The following MTREX variants were observed in gnomAD, a reference collection of about 807,000 sequenced individuals.
MTREX encodes the protein Mtr4 exosome RNA helicase.
MTREX carries 76 observed loss-of-function variants against 135.4 expected under a neutral mutation model. The ratio of observed to expected loss-of-function variants is 0.56; its 90% CI spans 0.47 to 0.68. MTREX has a LOEUF of 0.68. Among genes scored for constraint, MTREX ranks in the 30% least tolerant of loss-of-function variants. MTREX has a pLI of 0.00. For synonymous variants in MTREX, 404 were observed against 401.6 expected (o/e 1.01, Z -0.07); for missense variants, 920 against 1,262.1 (o/e 0.73, Z 4.11).
At chr5:55,330,483 T>G (rs1749458534) in intron 5 of MTREX, among the ~76,000 whole-genome samples, 1 of 151,940 alleles carries the variant, frequency 6.6e-6, no homozygotes. Context: ...TTTTTCTATT[T>G]CTAGTTTATA....
chr5:55,342,194 A>G (rs939083573), intron 7 of MTREX, among the ~76,000 whole-genome samples: 2 of 152,196 alleles, frequency 1.3e-5, no homozygotes, highest in Non-Finnish European at 2.9e-5. Context: ...ACAGGCGTGA[A>G]CCGCACCCAG....
intron 16 of MTREX, among the ~76,000 whole-genome samples, chr5:55,372,221 T>C (rs1416926438): frequency 6.6e-6 from 1 of 152,154 alleles, no homozygotes; most frequent in African/African-American, 2.4e-5. Context: ...TTCCTGATAA[T>C]GTTTACTGCC....
At chr5:55,423,964 A>G (rs987830041) in intron 26 of MTREX, 3 of 152,114 alleles carry the variant, frequency 2.0e-5, no homozygotes, top group Non-Finnish European at 4.4e-5. Context: ...TCAAAGTTTT[A>G]AAAATAATTT....
At chr5:55,326,373 CTGGGTGACAGAG>C (rs1749377930) in intron 3 of MTREX, among the ~76,000 whole-genome samples, 1 of 151,984 alleles carries the variant, frequency 6.6e-6, no homozygotes, top group Admixed American at 6.5e-5. Flanking sequence ...GTACTCCAGC[CTGGGTGACAGAG>C]TGAGACTCTG....
At chr5:55,352,403 C>T (rs1485167038) in intron 13 of MTREX, among the ~76,000 whole-genome samples, 1 of 152,072 alleles carries the variant, frequency 6.6e-6, no homozygotes, top group African/African-American at 2.4e-5. Flanking sequence ...TTAAAAAATA[C>T]ACAAGCAGTA....
In MTREX at chr5:55,323,242, T is replaced by G. The variant is rs936269908; in HGVS notation, c.272+778T>G. Among the ~76,000 whole-genome samples, 4 of 152,226 alleles carry G rather than the reference T, an allele frequency of 2.6e-5. No individual in the cohort carries two copies. In the East Asian group the frequency reaches 7.7e-4, roughly 29 times the overall value. On this transcript the variant is annotated intron_variant, in intron 2 of 26. Coordinates refer to ENST00000230640, the MANE Select transcript of MTREX (RefSeq NM_015360.5). ...ATTTGTAGTTTAAAGTCATTGTTACTTGTTTGTAACTTTTGAGTTTGTCCA... is the reference window on the plus strand; with the variant it reads ...ATTTGTAGTTTAAAGTCATTGTTACGTGTTTGTAACTTTTGAGTTTGTCCA...
chr5:55,308,418 C>T (rs757302853), intron 1 of MTREX, among the ~76,000 whole-genome samples: 1 of 151,974 alleles, frequency 6.6e-6, no homozygotes, highest in Non-Finnish European at 1.5e-5. Flanking sequence ...TCGCGGTTGT[C>T]TCCTGCATCA....
At chr5:55,349,155 C>T (rs1749784342) in intron 11 of MTREX, among the ~76,000 whole-genome samples, 1 of 150,398 alleles carries the variant, frequency 6.6e-6, no homozygotes, top group Admixed American at 6.6e-5. Context: ...ATCTTAAATG[C>T]CACCTCTTTA....
At chr5:55,325,374 C>T (rs1193306320) in intron 3 of MTREX, among the ~76,000 whole-genome samples, 10 of 149,212 alleles carry the variant, frequency 6.7e-5, no homozygotes, top group Non-Finnish European at 1.5e-5. Context: ...CTATGTCATC[C>T]AGGCTGGAGT....
chr5:55,387,911 G>T, intron 18 of MTREX, 63 bp from the exon 19 acceptor site: 1 of 1,493,796 alleles, frequency 6.7e-7, no homozygotes, highest in South Asian at 1.4e-5. Flanking sequence ...TATACAGATG[G>T]AACTTAAAAT....
intron 5 of MTREX, among the ~76,000 whole-genome samples, chr5:55,332,408 A>G (rs1749492805): frequency 6.6e-6 from 1 of 152,212 alleles, no homozygotes; most frequent in Admixed American, 6.5e-5. Context: ...AAAGAAACAG[A>G]TAAAAAAAAT....
chr5:55,360,246 C>G (rs1050805374), intron 15 of MTREX, among the ~76,000 whole-genome samples: 21 of 152,066 alleles, frequency 1.4e-4, no homozygotes, highest in African/African-American at 4.8e-4. Context: ...CTAATGTTTT[C>G]AAGTTTTATG....
Position 55,370,623 on chromosome 5 carries a change from A to G in MTREX, c.1810+3748A>G, listed in dbSNP as rs184777453. Among the ~76,000 whole-genome samples the G allele has an allele frequency of 2.4e-3, 360 of 152,282 alleles. 4 individuals carry two copies. The Middle Eastern group carries it at 0.037, about 16-fold the overall frequency. On this transcript the variant is annotated intron_variant, in intron 16 of 26. Transcript: ENST00000230640. ...AAAAATACTGTCAAAAGTATAACATACTTTTTAATGGAAGAGGTAGGAATT... is the reference window on the plus strand; with the variant it reads ...AAAAATACTGTCAAAAGTATAACATGCTTTTTAATGGAAGAGGTAGGAATT...
intron 18 of MTREX, among the ~76,000 whole-genome samples, chr5:55,386,325 A>G (rs1192720831): frequency 1.3e-5 from 2 of 152,188 alleles, no homozygotes; most frequent in Non-Finnish European, 2.9e-5. Flanking sequence ...AAGTTCAGTT[A>G]TACTGTTAGG....
At chr5:55,339,454 A>G (rs570614901) in intron 5 of MTREX, among the ~76,000 whole-genome samples, 22 of 152,320 alleles carry the variant, frequency 1.4e-4, no homozygotes, top group Non-Finnish European at 2.1e-4. Flanking sequence ...GTTAAGTTTA[A>G]TGCTATCTGT....
chr5:55,397,548 T>G (rs1337651767), intron 20 of MTREX, 22 bp downstream of exon 20: 3 of 1,397,770 alleles, frequency 2.1e-6, no homozygotes, highest in Admixed American at 3.6e-5. Context: ...TTTCATAAGT[T>G]AAGTATAAAT....
intron 19 of MTREX, among the ~76,000 whole-genome samples, chr5:55,396,836 TTA>T (rs1405232422): frequency 2.6e-5 from 4 of 152,200 alleles, no homozygotes; most frequent in Non-Finnish European, 4.4e-5. Flanking sequence ...TTGCCTCAGT[TTA>T]TAGAGGCTCT....
Position 55,311,992 on chromosome 5 carries a change from C to A in MTREX, c.134+3845C>A, listed in dbSNP as rs375032634. ...GTTCAGTTTACTTCCTATTTCATTA[C>A]ATCATAATGTCTGAATATTCTACTG... On this transcript the variant is annotated intron_variant, in intron 1 of 26. Coordinates refer to ENST00000230640, the MANE Select transcript of MTREX (RefSeq NM_015360.5). Among the ~76,000 whole-genome samples the A allele has an allele frequency of 1.4e-4, 21 of 152,220 alleles. No individual in the cohort carries two copies. The South Asian group carries it at 4.4e-3, about 32-fold the overall frequency.
chr5:55,411,606 T>C (rs1387635772), intron 23 of MTREX, among the ~76,000 whole-genome samples: 4 of 152,174 alleles, frequency 2.6e-5, no homozygotes, highest in African/African-American at 9.6e-5. Context: ...ATGGGTACTT[T>C]TCTCAGGTCC....
Sources: allele counts gnomAD v4.1 joint callset (sites outside exome capture counted in the v4.1 genomes callset), GRCh38; gene constraint gnomAD v4.1.1; transcripts MANE v1.5; gene names NCBI Gene and HGNC (gene_info 2026-07-23, HGNC 2026-07-21).